COLGALT2: variants seen among roughly 807,000 people sequenced by gnomAD.
COLGALT2 encodes the protein collagen beta(1-O)galactosyltransferase 2, also known as procollagen galactosyltransferase 2.
Under a neutral mutation model 73.4 loss-of-function variants are expected in COLGALT2, and 49 were observed. That is an observed-to-expected ratio of 0.67 (90% CI 0.53 to 0.85). The LOEUF is 0.85. Ranked by LOEUF, COLGALT2 falls within the 40% of genes least tolerant of loss-of-function variation. The pLI, the probability that COLGALT2 is intolerant of heterozygous loss-of-function variation, is 0.00. For synonymous variants in COLGALT2, 295 were observed against 307.6 expected (o/e 0.96, Z 0.43); for missense variants, 722 against 790.2 (o/e 0.91, Z 1.03).
intron 1 of COLGALT2, among the ~76,000 whole-genome samples, chr1:184,001,207 T>C (rs1015026895): frequency 1.3e-5 from 2 of 152,182 alleles, no homozygotes; most frequent in African/African-American, 4.8e-5. Flanking sequence ...ATGTTGTTCT[T>C]TTTTGGTAAT....
Position 183,936,419 on chromosome 1 carries a change from T to G in COLGALT2, c.*2342A>C, listed in dbSNP as rs1295216581. The stretch of plus-strand genomic sequence containing the variant: ...AAACCGGGCTAAAGGAGACAGAACT[T>G]TCTTCACAGTAGAACAGTCCTAGTC... On this transcript the variant is annotated 3_prime_UTR_variant, in exon 12 of 12. Transcript: ENST00000361927. 1 of 986,142 alleles carries G rather than the reference T, an allele frequency of 1.0e-6. No homozygotes were observed. Among genetic ancestry groups the G allele is most frequent in the Non-Finnish European group, 1.2e-6 (1 of 830,402 alleles). 61.1% of individuals were successfully genotyped at this position (986,142 alleles called of 1,614,324 possible). A position where few individuals can be genotyped will look rare whatever the true frequency, so the allele number is the denominator to read the frequency against.
chr1:184,035,145 A>G (rs113513124), intron 1 of COLGALT2, among the ~76,000 whole-genome samples: 10 of 152,016 alleles, frequency 6.6e-5, no homozygotes, highest in Middle Eastern at 3.4e-3. Flanking sequence ...TAAGTAAGAC[A>G]CCAGTGTCCA....
chr1:184,022,957 G>A (rs1649222562), intron 1 of COLGALT2, among the ~76,000 whole-genome samples: 1 of 152,170 alleles, frequency 6.6e-6, no homozygotes, highest in African/African-American at 2.4e-5. Context: ...CAGCTGGAGA[G>A]TATCAGCTGA....
At position 183,938,806 on chromosome 1, in the gene COLGALT2, T is replaced by C. The variant is rs1195298887; in HGVS notation, c.1836A>G (p.Pro612=). The C allele has an allele frequency of 6.2e-7, 1 of 1,614,196 alleles. No individual in the cohort carries two copies. Among genetic ancestry groups the C allele is most frequent in the South Asian group, 1.1e-5 (1 of 91,076 alleles). ...YSNAKNTEAL[P]PPTSLDTVPS... The stretch of plus-strand genomic sequence containing the variant: ...GCACAGTGTCCAGGGAGGTTGGCGG[T>C]GGCAGGGCCTCTGTGTTCTTGGCAT... The change falls in exon 12 of 12, where the codon CCA becomes CCG. Residue 612 remains proline (P), a synonymous_variant. Coordinates refer to ENST00000361927, the MANE Select transcript of COLGALT2 (RefSeq NM_015101.4).
chr1:184,036,387 C>A (rs557352936), intron 1 of COLGALT2, among the ~76,000 whole-genome samples: 1 of 152,334 alleles, frequency 6.6e-6, no homozygotes, highest in South Asian at 2.1e-4. Context: ...GTTTATCTTT[C>A]CCAGGGCATC....
intron 1 of COLGALT2, among the ~76,000 whole-genome samples, chr1:184,032,719 T>A (rs945990006): frequency 2.0e-5 from 3 of 152,206 alleles, no homozygotes; most frequent in Admixed American, 6.5e-5. Flanking sequence ...ACATTTAATA[T>A]CAAGAGTGTA....
chr1:184,037,092 C>G lies in COLGALT2; in HGVS notation c.263+3G>C. 6.4e-7 allele frequency: 1 copy of G among 1,567,730 alleles called. No homozygotes were observed. The highest frequency in any genetic ancestry group is 8.6e-7 in the Non-Finnish European group (1 of 1,161,470). On this transcript the variant is annotated splice_donor_region_variant and intron_variant, in intron 1 of 11. Coordinates refer to ENST00000361927, the MANE Select transcript of COLGALT2 (RefSeq NM_015101.4). Reference sequence around the variant, plus strand: ...CGGCGGCCCGGGGCCCGTGCGCGCTCACCAGATGGCCATCCTGCTCTTGGG... The same window carrying G: ...CGGCGGCCCGGGGCCCGTGCGCGCTGACCAGATGGCCATCCTGCTCTTGGG...
Position 183,955,787 on chromosome 1 carries a change from G to A in COLGALT2, c.953-949C>T, listed in dbSNP as rs570872583. Among the ~76,000 whole-genome samples, 85 of 152,296 alleles carry A rather than the reference G, an allele frequency of 5.6e-4. 1 individual carries two copies. The highest frequency in any genetic ancestry group is 2.4e-3 in the Admixed American group (37 of 15,304). ...ATTTAAAATGATAGCTGGTAACTGG[G>A]TTGTTGAAAGAACTATGGGTAATGG... On this transcript the variant is annotated intron_variant, in intron 6 of 11. Coordinates refer to ENST00000361927, the MANE Select transcript of COLGALT2 (RefSeq NM_015101.4).
Position 183,938,720 on chromosome 1 carries a change from G to C in COLGALT2, c.*41C>G. On this transcript the variant is annotated 3_prime_UTR_variant, in exon 12 of 12. Coordinates refer to ENST00000361927, the MANE Select transcript of COLGALT2 (RefSeq NM_015101.4). ...GATGAATAGCCCTTTAGAAAAACCA[G>C]AGGATGTTGAACTGATGTGGGCCAC... The C allele has an allele frequency of 6.2e-7, 1 of 1,600,874 alleles. No individual in the cohort carries two copies. The highest frequency in any genetic ancestry group is 8.5e-7 in the Non-Finnish European group (1 of 1,172,436).
chr1:183,954,446 T>G (rs1264899051), intron 7 of COLGALT2, among the ~76,000 whole-genome samples: 1 of 152,256 alleles, frequency 6.6e-6, no homozygotes, highest in Non-Finnish European at 1.5e-5. Context: ...TGTATCTTAC[T>G]CTTGAATTTT....
intron 1 of COLGALT2, among the ~76,000 whole-genome samples, chr1:184,019,077 C>T (rs1926878): frequency 0.71 from 107,541 of 152,134 alleles, 39,294 homozygotes; most frequent in African/African-American, 0.89. Context: ...CAAAAAGAAA[C>T]AAATCATTGC....
At chr1:183,968,401 C>T (rs1057274397) in intron 5 of COLGALT2, among the ~76,000 whole-genome samples, 2 of 152,114 alleles carry the variant, frequency 1.3e-5, no homozygotes, top group African/African-American at 2.4e-5. Context: ...TTGTCTTTCT[C>T]AAAAATCTCC....
At chr1:183,952,077 C>G (rs1421027309) in intron 7 of COLGALT2, among the ~76,000 whole-genome samples, 1 of 152,166 alleles carries the variant, frequency 6.6e-6, no homozygotes, top group Non-Finnish European at 1.5e-5. Context: ...ACAAGGACAA[C>G]AAGAGTTACA....
chr1:183,937,894 G>A lies in COLGALT2; in HGVS notation c.*867C>T, dbSNP rs1397507537. On this transcript the variant is annotated 3_prime_UTR_variant, in exon 12 of 12. Coordinates refer to ENST00000361927, the MANE Select transcript of COLGALT2 (RefSeq NM_015101.4). Reference sequence around the variant, plus strand: ...TTCCCAGGCTAAGGGGTGGAGCGGAGAGCGTGAAGCTCTGTAGCAGCGCGC... The same window carrying A: ...TTCCCAGGCTAAGGGGTGGAGCGGAAAGCGTGAAGCTCTGTAGCAGCGCGC... 4.1e-6 allele frequency: 4 copies of A among 985,340 alleles called. No individual in the cohort carries two copies. Among genetic ancestry groups the A allele is most frequent in the Non-Finnish European group, 4.8e-6 (4 of 829,956 alleles). 61.0% of individuals were successfully genotyped at this position (985,340 alleles called of 1,614,324 possible).
chr1:183,978,632 T>A (rs1258976485), intron 1 of COLGALT2, 112 bp from the exon 2 acceptor site: 5 of 546,560 alleles, frequency 9.1e-6, no homozygotes, highest in Non-Finnish European at 1.6e-5. Context: ...GGAAAAAAAA[T>A]TGTATATATG....
chr1:183,943,936 G>C (rs1670181374), intron 10 of COLGALT2, among the ~76,000 whole-genome samples: 1 of 152,172 alleles, frequency 6.6e-6, no homozygotes, highest in Non-Finnish European at 1.5e-5. Flanking sequence ...CCTTGGTTCT[G>C]TCTGAAGGTC....
intron 4 of COLGALT2, among the ~76,000 whole-genome samples, chr1:183,973,095 G>A (rs1243799657): frequency 1.3e-5 from 2 of 152,130 alleles, no homozygotes; most frequent in Non-Finnish European, 2.9e-5. Flanking sequence ...TGACGGTCAC[G>A]ATAGTTAAAA....
intron 1 of COLGALT2, among the ~76,000 whole-genome samples, chr1:184,018,416 T>G (rs1649074002): frequency 6.6e-6 from 1 of 152,192 alleles, no homozygotes; most frequent in African/African-American, 2.4e-5. Flanking sequence ...AGAATGTTTC[T>G]TTTCTAGTAT....
At chr1:184,029,988 T>C (rs1464195646) in intron 1 of COLGALT2, among the ~76,000 whole-genome samples, 1 of 152,180 alleles carries the variant, frequency 6.6e-6, no homozygotes, top group African/African-American at 2.4e-5. Flanking sequence ...GTATAGAAAG[T>C]TTCTAGAAAA....
Sources: gnomAD v4.1 joint callset for allele counts (sites outside exome capture counted in the v4.1 genomes callset) on GRCh38, gnomAD v4.1.1 for gene constraint, MANE v1.5 for transcripts, NCBI Gene and HGNC (gene_info 2026-07-23, HGNC 2026-07-21) for gene names.